Variants in CLSTN1 observed in about 807,000 individuals in gnomAD.
CLSTN1 encodes calsyntenin-1.
Under a neutral mutation model 108.3 loss-of-function variants are expected in CLSTN1, and 28 were observed. The ratio of observed to expected loss-of-function variants is 0.26; its 90% CI spans 0.19 to 0.35. The LOEUF is 0.35. CLSTN1 is among the 10% of genes least tolerant of loss of function. The pLI, the probability that CLSTN1 is intolerant of heterozygous loss-of-function variation, is 1.00. For missense variants in CLSTN1, 1,157 were observed against 1,302.6 expected (o/e 0.89, Z 1.72); for synonymous variants, 524 against 534.9 (o/e 0.98, Z 0.28).
At chr1:9,796,559 C>G (rs1240974876) in intron 1 of CLSTN1, among the ~76,000 whole-genome samples, 5 of 150,904 alleles carry the variant, frequency 3.3e-5, no homozygotes, top group African/African-American at 1.2e-4. Flanking sequence ...TGGCAGGCGC[C>G]TGTAGTCCCA....
intron 1 of CLSTN1, chr1:9,780,888 G>T: frequency 3.1e-6 from 1 of 317,858 alleles, no homozygotes; most frequent in South Asian, 6.3e-5. Flanking sequence ...ATGCGGTGCG[G>T]GAGACCATGG....
chr1:9,812,468 C>CT (rs1557726804), intron 1 of CLSTN1, among the ~76,000 whole-genome samples: 2 of 152,294 alleles, frequency 1.3e-5, no homozygotes, highest in African/African-American at 4.8e-5. Context: ...TATTAATACT[C>CT]TGTCATCTAG....
chr1:9,763,670 C>G (rs551361309), intron 2 of CLSTN1, among the ~76,000 whole-genome samples: 20 of 152,176 alleles, frequency 1.3e-4, no homozygotes, highest in Non-Finnish European at 2.4e-4. Flanking sequence ...ATTGGAAAAC[C>G]CCATGCATCC....
At position 9,731,815 on chromosome 1, in the gene CLSTN1, G is replaced by A. The variant is rs1328461877; in HGVS notation, c.2509C>T (p.Arg837Cys). The A allele has an allele frequency of 2.5e-6, 4 of 1,614,188 alleles. No homozygotes were observed. Among genetic ancestry groups the A allele is most frequent in the South Asian group, 1.1e-5 (1 of 91,088 alleles). Residue 837 changes from arginine to cysteine, a missense_variant, in exon 17 of 19, where the codon CGC (arginine) becomes TGC (cysteine). Physicochemically the swap from Arg to Cys is radical, Grantham distance 180. Coordinates refer to ENST00000377298, the MANE Select transcript of CLSTN1 (RefSeq NM_001009566.3). ...TGGCCTGACAGGTCAACAAAGGAGC[G>A]GTGTTCCGGGTGCACGAACTGTGGC... ...AQPQFVHPEH[R>C]SFVDLSGHNL...
At chr1:9,761,333 A>C (rs1247850779) in intron 2 of CLSTN1, among the ~76,000 whole-genome samples, 1 of 151,976 alleles carries the variant, frequency 6.6e-6, no homozygotes, top group Non-Finnish European at 1.5e-5. Context: ...TCTCTACCAA[A>C]AATACAAAAA....
chr1:9,762,664 T>C lies in CLSTN1; in HGVS notation c.215-6154A>G, dbSNP rs202221651. On this transcript the variant is annotated intron_variant, in intron 2 of 18. Coordinates refer to ENST00000377298, the MANE Select transcript of CLSTN1 (RefSeq NM_001009566.3). ...GCTGTCCCTGACGTTGGGTGACCTC[T>C]GGCTTTCTTGCCAAGCAGCGACTAT... Among the ~76,000 whole-genome samples, 100 of 130,030 alleles carry C rather than the reference T, an allele frequency of 7.7e-4. No homozygotes were observed. The East Asian group carries it at 0.012, about 16-fold the overall frequency. 85.3% of individuals were successfully genotyped at this position (130,030 alleles called of 152,430 possible).
At chr1:9,757,010 C>T (rs1651847596) in intron 2 of CLSTN1, among the ~76,000 whole-genome samples, 1 of 151,562 alleles carries the variant, frequency 6.6e-6, no homozygotes, top group Non-Finnish European at 1.5e-5. Flanking sequence ...GATCTCCTGA[C>T]CTCGTGATCC....
intron 1 of CLSTN1, among the ~76,000 whole-genome samples, chr1:9,784,148 G>A (rs1180780553): frequency 1.3e-5 from 2 of 148,946 alleles, no homozygotes; most frequent in Non-Finnish European, 3.0e-5. Flanking sequence ...CTCCAGCCTG[G>A]GCGACAGGAG....
chr1:9,749,817 T>G lies in CLSTN1; in HGVS notation c.746A>C (p.Glu249Ala). 6.2e-7 allele frequency: 1 copy of G among 1,614,204 alleles called. No homozygotes were observed. The highest frequency in any genetic ancestry group is 8.5e-7 in the Non-Finnish European group (1 of 1,180,038). Residue 249 changes from glutamate to alanine, a missense_variant, in exon 6 of 19, where the codon GAA becomes GCA. Glu to Ala is a moderately radical substitution (Grantham distance 107). Coordinates refer to ENST00000377298, the MANE Select transcript of CLSTN1 (RefSeq NM_001009566.3). ...AATGCTGATCTTCACCAAAACATCT[T>G]CTGTGGCTCTTTTCTTCCCACAGTC... The part of the protein sequence containing the change: ...AYDCGKKRAT[E>A]DVLVKISIKP...
intron 2 of CLSTN1, among the ~76,000 whole-genome samples, chr1:9,765,538 C>T (rs941456761): frequency 2.7e-5 from 4 of 150,640 alleles, no homozygotes; most frequent in Admixed American, 6.6e-5. Context: ...AAAAATTAGC[C>T]GAAATCACTT....
intron 2 of CLSTN1, among the ~76,000 whole-genome samples, chr1:9,770,049 G>C (rs1244470615): frequency 1.3e-5 from 2 of 148,814 alleles, no homozygotes; most frequent in East Asian, 2.0e-4. Flanking sequence ...AAAAAAGGGT[G>C]ATTTTTGTGG....
At chr1:9,805,096 G>A (rs1654450134) in intron 1 of CLSTN1, among the ~76,000 whole-genome samples, 1 of 152,090 alleles carries the variant, frequency 6.6e-6, no homozygotes, top group African/African-American at 2.4e-5. Context: ...CTCCAGCCTG[G>A]GAGACAGAGC....
intron 1 of CLSTN1, among the ~76,000 whole-genome samples, chr1:9,810,572 C>T (rs947741312): frequency 5.3e-5 from 8 of 151,208 alleles, no homozygotes; most frequent in African/African-American, 1.5e-4. Context: ...GTCAGGAGTT[C>T]GAGACCAGGC....
At chr1:9,782,776 G>A (rs1653307896) in intron 1 of CLSTN1, among the ~76,000 whole-genome samples, 2 of 152,180 alleles carry the variant, frequency 1.3e-5, no homozygotes, top group Non-Finnish European at 2.9e-5. Context: ...GGAGGCCAAG[G>A]CAAGCAGATC....
chr1:9,799,375 C>T (rs1431143837), intron 1 of CLSTN1, among the ~76,000 whole-genome samples: 2 of 152,086 alleles, frequency 1.3e-5, no homozygotes, highest in Non-Finnish European at 2.9e-5. Context: ...GGCGCGGTGG[C>T]TCACGCCTAT....
At chr1:9,773,785 G>A (rs894922127) in intron 1 of CLSTN1, among the ~76,000 whole-genome samples, 9 of 152,200 alleles carry the variant, frequency 5.9e-5, no homozygotes, top group Non-Finnish European at 1.3e-4. Flanking sequence ...CCAGGCTGGA[G>A]CACAATGGTG....
At chr1:9,758,111 A>G (rs1364297974) in intron 2 of CLSTN1, among the ~76,000 whole-genome samples, 3 of 151,906 alleles carry the variant, frequency 2.0e-5, no homozygotes, top group Admixed American at 2.0e-4. Context: ...CTCCTGCCTC[A>G]GCTTCCTCAG....
chr1:9,787,516 G>A (rs1268783683), intron 1 of CLSTN1, among the ~76,000 whole-genome samples: 1 of 147,970 alleles, frequency 6.8e-6, no homozygotes, highest in African/African-American at 2.5e-5. Flanking sequence ...CCATTCTCCT[G>A]CCTCAGCCTC....
Position 9,751,657 on chromosome 1 carries a change from G to A in CLSTN1, c.465C>T (p.Asn155=), listed in dbSNP as rs750019286. ...SHKATVHIQV[N]DVNEYAPVFK... is the part of the protein sequence containing the mutation. ...ACACGGGCGCGTACTCATTCACGTCGTTCACCTGAATATGAACAGTTGCTC... is the reference window on the plus strand; with the variant it reads ...ACACGGGCGCGTACTCATTCACGTCATTCACCTGAATATGAACAGTTGCTC... Residue 155 remains asparagine, a synonymous_variant, in exon 5 of 19, where the codon AAC becomes AAT. Transcript: ENST00000377298. 10 of 1,613,954 alleles carry A rather than the reference G, an allele frequency of 6.2e-6. No homozygotes were observed. Among genetic ancestry groups the A allele is most frequent in the African/African-American group, 2.7e-5 (2 of 74,890 alleles).
Sources: gnomAD v4.1 joint callset for allele counts (sites outside exome capture counted in the v4.1 genomes callset) on GRCh38, gnomAD v4.1.1 for gene constraint, MANE v1.5 for transcripts, NCBI Gene and HGNC (gene_info 2026-07-23, HGNC 2026-07-21) for gene names.